Variants in SLC14A2 observed in about 807,000 individuals in gnomAD.
The protein encoded by SLC14A2 is urea transporter 2.
SLC14A2 carries 91 observed loss-of-function variants against 104.6 expected under a neutral mutation model. The ratio of observed to expected loss-of-function variants is 0.87; its 90% confidence interval spans 0.73 to 1.04. The LOEUF is 1.04. Among genes scored for constraint, SLC14A2 ranks in the 50% least tolerant of loss-of-function variants. SLC14A2 has a pLI of 0.00. For synonymous variants in SLC14A2, 476 were observed against 466.4 expected, an observed-to-expected ratio of 1.02 and a Z score of -0.27; for missense variants, 1,189 against 1,156.0, an observed-to-expected ratio of 1.03 and a Z score of -0.41.
At chr18:45,614,512 G>A (rs916721876), upstream of SLC14A2, among the ~76,000 whole-genome samples, 1 of 152,246 alleles carries the variant, frequency 6.6e-6, no homozygotes, top group African/African-American at 2.4e-5. Context: ...CTCAACACCA[G>A]CCTGCGAAAG....
At chr18:45,311,030 T>A (rs1000905307) in intron 1 of SLC14A2, among the ~76,000 whole-genome samples, 4 of 152,182 alleles carry the variant, frequency 2.6e-5, no homozygotes, top group African/African-American at 9.7e-5. Flanking sequence ...GCTTCAGACA[T>A]GGGCAGGTAC....
At position 45,444,932 on chromosome 18, in the gene SLC14A2, T is replaced by C. The variant is rs1184003618; in HGVS notation, c.-124-38301T>C. 3.9e-5 allele frequency among the ~76,000 whole-genome samples: 6 copies of C among 152,298 alleles called. No homozygotes were observed. The East Asian group carries it at 1.2e-3, about 29-fold the overall frequency. ...TTTCCTTTTGTAAACTTGGATTTGA[T>C]AGCCAGTATCTAATACAATGACTGG... is the stretch of plus-strand genomic sequence containing the variant. On this transcript the variant is annotated intron_variant, in intron 1 of 20. Transcript: ENST00000586448.
At chr18:45,286,718 T>TTGTGTGTGTG (rs112827861) in intron 1 of SLC14A2, among the ~76,000 whole-genome samples, 13,222 of 150,650 alleles carry the variant, frequency 0.088, 856 homozygotes, top group African/African-American at 0.18. Context: ...TCCCCCCAAC[T>TTGTGTGTGTG]TGTGTGTGTG....
Position 45,440,378 on chromosome 18 carries a change from C to T in SLC14A2, c.-124-42855C>T, listed in dbSNP as rs180954202. The T allele has an allele frequency of 7.9e-5, 12 of 152,340 alleles. No homozygotes were observed. The East Asian group carries it at 2.3e-3, about 29-fold the overall frequency. The allele number at this position is 152,340 out of a possible 1,614,324, so 9.4% of individuals were successfully genotyped here. ...CCAGGTTTGTCAACAGACACTTACT[C>T]CAAGACCATAGAGATGAGAAGTTGG... On this transcript the variant is annotated intron_variant, in intron 1 of 20. Transcript: ENST00000586448.
chr18:45,320,827 C>G (rs576970345), intron 1 of SLC14A2, among the ~76,000 whole-genome samples: 2 of 152,332 alleles, frequency 1.3e-5, no homozygotes, highest in Non-Finnish European at 2.9e-5. Flanking sequence ...CAGGATACAT[C>G]GCTACAACAC....
At chr18:45,575,800 T>C (rs1042206790) in intron 2 of SLC14A2, among the ~76,000 whole-genome samples, 9 of 152,078 alleles carry the variant, frequency 5.9e-5, no homozygotes, top group Admixed American at 5.9e-4. Flanking sequence ...TTTTTTTTTT[T>C]TTTCTTCCCA....
intron 1 of SLC14A2, among the ~76,000 whole-genome samples, chr18:45,392,489 G>A (rs1025783405): frequency 5.9e-5 from 9 of 152,134 alleles, no homozygotes; most frequent in Non-Finnish European, 1.0e-4. Flanking sequence ...TTTAAAACAG[G>A]TCAGAATGTA....
At chr18:45,250,381 A>G (rs1898319974) in intron 1 of SLC14A2, among the ~76,000 whole-genome samples, 1 of 152,150 alleles carries the variant, frequency 6.6e-6, no homozygotes, top group African/African-American at 2.4e-5. Context: ...TGACTACTTT[A>G]TAACACGTGA....
At chr18:45,486,957 G>A (rs746105037) in intron 2 of SLC14A2, among the ~76,000 whole-genome samples, 1 of 152,204 alleles carries the variant, frequency 6.6e-6, no homozygotes, top group Non-Finnish European at 1.5e-5. Flanking sequence ...CCAAGATCAT[G>A]CAAAAGAGCA....
rs185764781 is a variant in SLC14A2 at position 45,384,944 on chromosome 18, A to G, written c.-124-98289A>G. 2.4e-3 allele frequency among the ~76,000 whole-genome samples: 360 copies of G among 152,360 alleles called. 1 individual carries two copies. The highest frequency in any genetic ancestry group is 8.2e-3 in the African/African-American group (343 of 41,584). Reference sequence around the variant, plus strand: ...TTCCAGCATGATGGCACCTTCAAGTAAAGATGAACAGGGAGCTTTTAAGCT... The same window carrying G: ...TTCCAGCATGATGGCACCTTCAAGTGAAGATGAACAGGGAGCTTTTAAGCT... On this transcript the variant is annotated intron_variant, in intron 1 of 20. Transcript: ENST00000586448.
intron 2 of SLC14A2, among the ~76,000 whole-genome samples, chr18:45,550,610 ATCAGAG>A (rs71699333): frequency 0.09 from 13,636 of 152,232 alleles, 739 homozygotes; most frequent in Non-Finnish European, 0.12. Context: ...CCTTCATTTT[ATCAGAG>A]TCATTTATTG....
chr18:45,682,204 C>A, intron 19 of SLC14A2, 115 bp from the exon 20 acceptor site: 1 of 843,298 alleles, frequency 1.2e-6, no homozygotes, highest in Non-Finnish European at 2.0e-6. Flanking sequence ...AATGAAGTAT[C>A]AATGCCCTCA....
intron 1 of SLC14A2, among the ~76,000 whole-genome samples, chr18:45,235,813 GTA>G (rs71177672): frequency 0.062 from 5,741 of 93,294 alleles, 900 homozygotes; most frequent in African/African-American, 0.14. Flanking sequence ...GTGTGTGTGT[GTA>G]TATATATATA....
intron 1 of SLC14A2, chr18:45,482,509 C>T (rs1057082325): frequency 6.6e-6 from 1 of 152,176 alleles, no homozygotes; most frequent in African/African-American, 2.4e-5. Context: ...CAAGGCTTAA[C>T]ATGGAGAGGA....
intron 1 of SLC14A2, among the ~76,000 whole-genome samples, chr18:45,285,400 A>C (rs1054399089): frequency 1.1e-4 from 16 of 152,196 alleles, no homozygotes; most frequent in African/African-American, 3.9e-4. Flanking sequence ...TCCATCAGTC[A>C]CTGCACTATA....
At chr18:45,341,221 C>T (rs1298630665) in intron 1 of SLC14A2, among the ~76,000 whole-genome samples, 3 of 151,312 alleles carry the variant, frequency 2.0e-5, no homozygotes, top group South Asian at 2.1e-4. Context: ...CTGTTAAGTC[C>T]GGTGGGCCAA....
At chr18:45,255,387 A>G (rs1805439203) in intron 1 of SLC14A2, among the ~76,000 whole-genome samples, 2 of 152,184 alleles carry the variant, frequency 1.3e-5, no homozygotes, top group Admixed American at 1.3e-4. Context: ...TCTTTACAGC[A>G]TGGTCTTTTG....
chr18:45,465,917 G>T (rs555453385), intron 1 of SLC14A2, among the ~76,000 whole-genome samples: 5 of 151,426 alleles, frequency 3.3e-5, no homozygotes, highest in African/African-American at 1.2e-4. Flanking sequence ...AAAAAAAAAA[G>T]TGTCCTCCTG....
intron 2 of SLC14A2, among the ~76,000 whole-genome samples, chr18:45,519,107 G>A (rs1292096942): frequency 1.3e-5 from 2 of 152,136 alleles, no homozygotes; most frequent in Non-Finnish European, 2.9e-5. Flanking sequence ...ATAATACCAG[G>A]AGGAATAATC....
Sources: gnomAD v4.1 joint callset for allele counts (sites outside exome capture counted in the v4.1 genomes callset) on GRCh38, gnomAD v4.1.1 for gene constraint, MANE v1.5 for transcripts, NCBI Gene and HGNC (gene_info 2026-07-23, HGNC 2026-07-21) for gene names.